NYAP2: variants seen among roughly 807,000 people sequenced by gnomAD.
NYAP2 encodes neuronal tyrosine-phosphorylated phosphoinositide-3-kinase adaptor 2.
A neutral mutation model predicts 50.4 loss-of-function variants in NYAP2; 23 were observed. That is an observed-to-expected ratio of 0.46 (90% confidence interval 0.33 to 0.65). NYAP2 has a LOEUF of 0.65. Ranked by LOEUF, NYAP2 falls within the 30% of genes least tolerant of loss-of-function variation. The pLI, the probability that NYAP2 is intolerant of heterozygous loss-of-function variation, is 0.02. For missense variants in NYAP2, 885 were observed against 861.0 expected (o/e 1.03, Z -0.35); for synonymous variants, 394 against 365.2 (o/e 1.08, Z -0.90).
the NYAP2 span, among the ~76,000 whole-genome samples, chr2:225,670,162 T>C: frequency 3.2e-4 from 49 of 152,274 alleles, no homozygotes; most frequent in East Asian, 9.3e-3. Context: ...TGGTTCTGTA[T>C]CCTTGGCCTT....
At chr2:225,629,569 G>A (rs1006766690) in intron 6 of NYAP2, among the ~76,000 whole-genome samples, 28 of 152,294 alleles carry the variant, frequency 1.8e-4, no homozygotes, top group African/African-American at 6.5e-4. Flanking sequence ...TAAGAAAAGA[G>A]GTGTATTTGG....
At chr2:225,645,838 A>T (rs937265957) in intron 6 of NYAP2, among the ~76,000 whole-genome samples, 1 of 152,208 alleles carries the variant, frequency 6.6e-6, no homozygotes, top group Non-Finnish European at 1.5e-5. Flanking sequence ...TCACCGTTCA[A>T]GTCTCAAAGA....
chr2:225,615,400 G>A (rs1458999762), intron 5 of NYAP2, among the ~76,000 whole-genome samples: 2 of 152,096 alleles, frequency 1.3e-5, no homozygotes, highest in Non-Finnish European at 2.9e-5. Flanking sequence ...AAATAATTTG[G>A]TGGCAATATC....
intron 6 of NYAP2, among the ~76,000 whole-genome samples, chr2:225,641,412 C>T (rs1024580230): frequency 7.2e-6 from 1 of 138,630 alleles, no homozygotes; most frequent in Non-Finnish European, 1.5e-5. Flanking sequence ...ACAGGAACTG[C>T]AATCCCTCAA....
At chr2:225,625,042 G>GT (rs1308241862) in intron 5 of NYAP2, among the ~76,000 whole-genome samples, 203 of 7,690 alleles carry the variant, frequency 0.026, 3 homozygotes, top group Admixed American at 0.075. Context: ...TAACCCAAGC[G>GT]TAAAAAAAAA....
chr2:225,471,009 A>G (rs1690005623), intron 3 of NYAP2, among the ~76,000 whole-genome samples: 2 of 152,154 alleles, frequency 1.3e-5, no homozygotes, highest in South Asian at 4.1e-4. Flanking sequence ...TCTTATTAAT[A>G]TGCTTCCTTA....
chr2:225,474,076 C>G (rs1283864329), intron 3 of NYAP2, among the ~76,000 whole-genome samples: 1 of 152,166 alleles, frequency 6.6e-6, no homozygotes. Context: ...AATCCTTTCC[C>G]CATTTCTTGT....
chr2:225,634,249 G>C (rs1693372840), intron 6 of NYAP2, among the ~76,000 whole-genome samples: 1 of 152,216 alleles, frequency 6.6e-6, no homozygotes, highest in Non-Finnish European at 1.5e-5. Flanking sequence ...GTTGGGTGGG[G>C]TAGAGTTTGC....
exon 3 of NYAP2, chr2:225,408,878 T>C (rs1694983289): frequency 6.3e-7 from 1 of 1,598,446 alleles, no homozygotes; most frequent in African/African-American, 1.3e-5. Context: ...TGTTCCTCTT[T>C]ACATGATATC....
At chr2:225,508,175 T>G (rs542958979) in intron 3 of NYAP2, among the ~76,000 whole-genome samples, 1 of 152,258 alleles carries the variant, frequency 6.6e-6, no homozygotes. Flanking sequence ...GAAACTTGTT[T>G]TTATTTTTAT....
the NYAP2 span, among the ~76,000 whole-genome samples, chr2:225,683,393 C>T: frequency 6.6e-5 from 10 of 152,022 alleles, no homozygotes; most frequent in Admixed American, 4.6e-4. Flanking sequence ...ATAGAAGCCT[C>T]GTGAGTATTG....
chr2:225,523,695 T>C (rs1246999590), intron 4 of NYAP2, among the ~76,000 whole-genome samples: 1 of 152,050 alleles, frequency 6.6e-6, no homozygotes, highest in Non-Finnish European at 1.5e-5. Context: ...ATTTTTCATA[T>C]AATGAGTAAA....
chr2:225,414,687 G>C (rs1291094829), intron 3 of NYAP2, among the ~76,000 whole-genome samples: 3 of 151,904 alleles, frequency 2.0e-5, no homozygotes, highest in Non-Finnish European at 4.4e-5. Context: ...ACCTTCCTTG[G>C]AGTTGACTAT....
At position 225,411,416 on chromosome 2, in the gene NYAP2, G is replaced by T. The variant is rs146161605; in HGVS notation, c.221+2315G>T. Among the ~76,000 whole-genome samples the T allele has an allele frequency of 2.6e-5, 4 of 152,164 alleles. No individual in the cohort carries two copies. In the East Asian group the frequency reaches 7.7e-4, roughly 29 times the overall value. On this transcript the variant is annotated intron_variant, in intron 3 of 6. Coordinates refer to ENST00000636099, the Ensembl canonical transcript of NYAP2. The stretch of plus-strand genomic sequence containing the variant: ...GGGAGCAGGTTTAGCGTAACTGATG[G>T]GGGGGCAGGAGCTCAGCTTTGGTAT...
chr2:225,451,567 T>C (rs941320620), intron 3 of NYAP2, among the ~76,000 whole-genome samples: 38 of 152,326 alleles, frequency 2.5e-4, no homozygotes, highest in Non-Finnish European at 1.2e-4. Context: ...AAACCATTAC[T>C]GTGATTGTAA....
Position 225,413,184 on chromosome 2 carries a change from T to C in NYAP2, c.221+4083T>C, listed in dbSNP as rs528732194. On this transcript the variant is annotated intron_variant, in intron 3 of 6. Coordinates refer to ENST00000636099, the Ensembl canonical transcript of NYAP2. Reference sequence around the variant, plus strand: ...AGAATACTAGTAAAGCTTCTAGTTGTTGAGATTTCTCAAGTGTCTTTCTTT... The same window carrying C: ...AGAATACTAGTAAAGCTTCTAGTTGCTGAGATTTCTCAAGTGTCTTTCTTT... 2.6e-5 allele frequency among the ~76,000 whole-genome samples: 4 copies of C among 152,294 alleles called. No homozygotes were observed. In the East Asian group the frequency reaches 7.7e-4, roughly 29 times the overall value.
At chr2:225,637,395 G>A (rs1464717475) in intron 6 of NYAP2, among the ~76,000 whole-genome samples, 5 of 152,058 alleles carry the variant, frequency 3.3e-5, no homozygotes, top group African/African-American at 4.8e-5. Flanking sequence ...CTTCAGCACC[G>A]GGCAGCTGTG....
At chr2:225,626,757 T>A (rs1282947484) in intron 5 of NYAP2, among the ~76,000 whole-genome samples, 160 bp from the exon 6 acceptor site, 2 of 152,214 alleles carry the variant, frequency 1.3e-5, no homozygotes, top group Non-Finnish European at 2.9e-5. Context: ...AAAGGCCCCC[T>A]GGAGTCTATG....
the NYAP2 span, among the ~76,000 whole-genome samples, chr2:225,676,870 T>C: frequency 6.6e-6 from 1 of 152,212 alleles, no homozygotes. Flanking sequence ...TCTTTTTGGT[T>C]AGAATTGCTT....
Sources: gnomAD v4.1 joint callset for allele counts (sites outside exome capture counted in the v4.1 genomes callset) on GRCh38, gnomAD v4.1.1 for gene constraint, MANE v1.5 for transcripts, NCBI Gene and HGNC (gene_info 2026-07-23, HGNC 2026-07-21) for gene names.